The following ASIC2 variants were observed in gnomAD, a reference collection of about 807,000 sequenced individuals.
The protein encoded by ASIC2 is acid sensing ion channel subunit 2, also known as acid-sensing ion channel 2.
In ASIC2, 25 loss-of-function variants were observed where a neutral mutation model predicts 57.3. That is an observed-to-expected ratio of 0.44 (90% CI 0.32 to 0.61). The LOEUF (loss-of-function observed/expected upper bound fraction) is 0.61, where lower values mean the gene tolerates loss of function less well. ASIC2 is among the 20% of genes least tolerant of loss of function. The pLI is 0.06. For missense variants in ASIC2, 641 were observed against 738.1 expected, an observed-to-expected ratio of 0.87 and a Z score of 1.52; for synonymous variants, 319 against 307.5, an observed-to-expected ratio of 1.04 and a Z score of -0.39.
intron 1 of ASIC2, among the ~76,000 whole-genome samples, chr17:33,333,691 G>A (rs1468294950): frequency 1.3e-5 from 2 of 151,912 alleles, no homozygotes; most frequent in African/African-American, 4.8e-5. Flanking sequence ...AATAAACAAT[G>A]TTAAGGACAA....
chr17:33,554,647 G>A (rs1915849840), intron 1 of ASIC2, among the ~76,000 whole-genome samples: 1 of 151,990 alleles, frequency 6.6e-6, no homozygotes, highest in African/African-American at 2.4e-5. Flanking sequence ...TGCTTTTTGA[G>A]GAAGAAGTTG....
intron 1 of ASIC2, among the ~76,000 whole-genome samples, chr17:34,087,949 T>C (rs1343940953): frequency 6.6e-6 from 1 of 152,198 alleles, no homozygotes; most frequent in Non-Finnish European, 1.5e-5. Context: ...TTCTAAATTT[T>C]TTTCAAAGTT....
chr17:33,644,174 C>A (rs1476324939), intron 1 of ASIC2, among the ~76,000 whole-genome samples: 3 of 152,146 alleles, frequency 2.0e-5, no homozygotes, highest in African/African-American at 4.8e-5. Flanking sequence ...CTCGGGCAAG[C>A]CTTTCCAGTG....
At chr17:33,159,016 TGA>T (rs2089812743) in intron 1 of ASIC2, among the ~76,000 whole-genome samples, 1 of 152,176 alleles carries the variant, frequency 6.6e-6, no homozygotes, top group African/African-American at 2.4e-5. Flanking sequence ...TGAGCCCAGC[TGA>T]GAGTTTGAGT....
chr17:33,409,560 T>A (rs570039578), intron 1 of ASIC2, among the ~76,000 whole-genome samples: 1 of 152,356 alleles, frequency 6.6e-6, no homozygotes, highest in Non-Finnish European at 1.5e-5. Flanking sequence ...GTCACTGTAC[T>A]CCTATTCTCT....
chr17:33,066,094 C>T (rs879474420), intron 3 of ASIC2, among the ~76,000 whole-genome samples: 3 of 152,254 alleles, frequency 2.0e-5, no homozygotes, highest in East Asian at 1.9e-4. Context: ...GATTTCCTCT[C>T]GGGGAGTATG....
At chr17:33,529,313 A>T (rs1914978384) in intron 1 of ASIC2, among the ~76,000 whole-genome samples, 1 of 152,172 alleles carries the variant, frequency 6.6e-6, no homozygotes, top group Admixed American at 6.5e-5. Flanking sequence ...CCAAACACTG[A>T]TGTATTTTAA....
intron 1 of ASIC2, among the ~76,000 whole-genome samples, chr17:33,271,983 TC>T (rs1460205046): frequency 6.6e-6 from 1 of 152,196 alleles, no homozygotes; most frequent in Non-Finnish European, 1.5e-5. Flanking sequence ...ATACAGGCCT[TC>T]ATTCTGTTTT....
intron 1 of ASIC2, among the ~76,000 whole-genome samples, chr17:33,499,541 T>A (rs8082140): frequency 0.19 from 29,189 of 152,162 alleles, 4,181 homozygotes; most frequent in African/African-American, 0.41. Context: ...CACAGCCCTC[T>A]GAAGGAACTG....
intron 3 of ASIC2, among the ~76,000 whole-genome samples, chr17:33,085,986 C>T (rs976512835): frequency 6.6e-6 from 1 of 152,252 alleles, no homozygotes; most frequent in African/African-American, 2.4e-5. Context: ...TCTGAGAATA[C>T]ACTTCAAAGC....
chr17:33,793,361 C>T (rs1597878391), intron 1 of ASIC2: 2 of 152,338 alleles, frequency 1.3e-5, no homozygotes, highest in East Asian at 3.9e-4. Context: ...GATACTAGCA[C>T]TGCTGCTGCT....
At chr17:33,098,195 T>C (rs2092191804) in intron 2 of ASIC2, among the ~76,000 whole-genome samples, 1 of 152,236 alleles carries the variant, frequency 6.6e-6, no homozygotes, top group Non-Finnish European at 1.5e-5. Context: ...GCATCTCATT[T>C]TAATCTCCTG....
At chr17:33,321,761 C>T (rs1906880808) in intron 1 of ASIC2, among the ~76,000 whole-genome samples, 1 of 152,158 alleles carries the variant, frequency 6.6e-6, no homozygotes, top group Non-Finnish European at 1.5e-5. Context: ...AAGATACATA[C>T]TAAACTTTCA....
chr17:33,642,186 C>G (rs557378545), intron 1 of ASIC2, among the ~76,000 whole-genome samples: 23 of 132,012 alleles, frequency 1.7e-4, no homozygotes, highest in Non-Finnish European at 1.6e-5. Context: ...ATAACTCGCA[C>G]TCTAGGGGGA....
intron 1 of ASIC2, among the ~76,000 whole-genome samples, chr17:33,151,750 C>T (rs932542196): frequency 1.3e-5 from 2 of 152,146 alleles, no homozygotes; most frequent in Admixed American, 6.5e-5. Context: ...CATGGGATGA[C>T]GCACCAAGAA....
intron 3 of ASIC2, among the ~76,000 whole-genome samples, chr17:33,060,756 T>C (rs1466984229): frequency 6.6e-6 from 1 of 152,232 alleles, no homozygotes; most frequent in Non-Finnish European, 1.5e-5. Flanking sequence ...TTGGGCAGTA[T>C]GGCCATTTTC....
At chr17:34,131,079 T>A (rs1911940424) in intron 1 of ASIC2, among the ~76,000 whole-genome samples, 1 of 151,846 alleles carries the variant, frequency 6.6e-6, no homozygotes, top group African/African-American at 2.4e-5. Flanking sequence ...GAATGAATAG[T>A]AGGAACAAAG....
chr17:33,252,420 A>C (rs1908915632), intron 1 of ASIC2, among the ~76,000 whole-genome samples: 2 of 152,100 alleles, frequency 1.3e-5, no homozygotes, highest in African/African-American at 4.8e-5. Context: ...GTCTACAAGG[A>C]CCCGATACAC....
chr17:33,317,382 T>A (rs1438632614), intron 1 of ASIC2, among the ~76,000 whole-genome samples: 5 of 152,178 alleles, frequency 3.3e-5, no homozygotes, highest in Non-Finnish European at 1.5e-5. Flanking sequence ...TGGGTGAGCA[T>A]CTCCTGTGCC....
Sources: allele counts gnomAD v4.1 joint callset (sites outside exome capture counted in the v4.1 genomes callset), GRCh38; gene constraint gnomAD v4.1.1; transcripts MANE v1.5; gene names NCBI Gene and HGNC (gene_info 2026-07-23, HGNC 2026-07-21).